The following MAST2 variants were observed in gnomAD, a reference collection of about 807,000 sequenced individuals.
MAST2 encodes the protein microtubule associated serine/threonine kinase 2, also known as microtubule-associated serine/threonine-protein kinase 2.
Under a neutral mutation model 147.4 loss-of-function variants are expected in MAST2, and 70 were observed. The observed-to-expected ratio is 0.47, with a 90% CI of 0.39 to 0.58. MAST2 has a LOEUF of 0.58. Ranked by LOEUF, MAST2 falls within the 20% of genes least tolerant of loss-of-function variation. MAST2 has a pLI of 0.00. For missense variants in MAST2, 2,080 were observed against 2,302.3 expected, an observed-to-expected ratio of 0.90 and a Z score of 1.98; for synonymous variants, 869 against 896.8, an observed-to-expected ratio of 0.97 and a Z score of 0.55.
chr1:45,994,827 C>T (rs1320494922), intron 5 of MAST2, among the ~76,000 whole-genome samples: 2 of 151,696 alleles, frequency 1.3e-5, no homozygotes, highest in Admixed American at 1.3e-4. Flanking sequence ...GGAGAATAGC[C>T]ATATCTTCCA....
chr1:45,921,080 C>A (rs534231354), intron 4 of MAST2, among the ~76,000 whole-genome samples: 1 of 152,172 alleles, frequency 6.6e-6, no homozygotes, highest in Middle Eastern at 3.2e-3. Flanking sequence ...ACTGCAAGCT[C>A]CATCTCCCGG....
At chr1:46,001,203 G>A (rs1292889270) in intron 6 of MAST2, among the ~76,000 whole-genome samples, 2 of 152,200 alleles carry the variant, frequency 1.3e-5, no homozygotes, top group Non-Finnish European at 2.9e-5. Flanking sequence ...AGGAATTGCT[G>A]AATAGTTCCA....
At chr1:46,027,914 TG>T (rs1646484378) in intron 17 of MAST2, 51 bp downstream of exon 17, 2 of 1,604,056 alleles carry the variant, frequency 1.2e-6, no homozygotes, top group Non-Finnish European at 1.7e-6. Context: ...GCCCTTGTCC[TG>T]GCGCAGTGTC....
chr1:46,030,470 TATTC>T (rs1646602866), intron 21 of MAST2, 133 bp from the exon 22 acceptor site: 1 of 1,070,218 alleles, frequency 9.3e-7, no homozygotes, highest in African/African-American at 1.6e-5. Flanking sequence ...CTTCCCCAAA[TATTC>T]AGCAGGGGTG....
At chr1:45,883,573 T>C (rs1358484455) in intron 4 of MAST2, among the ~76,000 whole-genome samples, 1 of 152,218 alleles carries the variant, frequency 6.6e-6, no homozygotes, top group Non-Finnish European at 1.5e-5. Flanking sequence ...ACCTGTGTTT[T>C]CTTCTTACTA....
chr1:46,019,262 A>G (rs1225206562), intron 10 of MAST2, among the ~76,000 whole-genome samples: 5 of 152,098 alleles, frequency 3.3e-5, no homozygotes, highest in Non-Finnish European at 5.9e-5. Flanking sequence ...CTTACAGTCT[A>G]GGGTGGAAAG....
At chr1:45,810,829 A>AG (rs1468714420) in intron 1 of MAST2, among the ~76,000 whole-genome samples, 3 of 147,768 alleles carry the variant, frequency 2.0e-5, no homozygotes, top group East Asian at 2.0e-4. Context: ...AAAAAAAAAA[A>AG]GGATAATAAG....
chr1:46,008,398 G>A, intron 9 of MAST2, 27 bp downstream of exon 9: 3 of 1,538,712 alleles, frequency 1.9e-6, no homozygotes, highest in South Asian at 1.1e-5. Flanking sequence ...AAGGAGAGTG[G>A]CAATACCCCT....
chr1:45,820,484 A>G (rs549308990), intron 1 of MAST2, among the ~76,000 whole-genome samples: 4 of 152,304 alleles, frequency 2.6e-5, no homozygotes, highest in African/African-American at 9.6e-5. Flanking sequence ...CTTCTGTAGT[A>G]TACAAAAACT....
At chr1:45,867,317 C>T (rs1032067486) in intron 3 of MAST2, among the ~76,000 whole-genome samples, 2 of 152,142 alleles carry the variant, frequency 1.3e-5, no homozygotes, top group African/African-American at 4.8e-5. Context: ...TATTTGGCTT[C>T]GCTAATTGCT....
In MAST2 at chr1:45,876,162, C is replaced by T. The variant is rs115846436; in HGVS notation, c.469-6202C>T. ...ATGCAGTGAAGCTTCATTACCCTGG[C>T]GTTATACATTACATTGGCAGTGTGC... On this transcript the variant is annotated intron_variant, in intron 3 of 28. Coordinates refer to ENST00000361297, the MANE Select transcript of MAST2 (RefSeq NM_015112.3). 6.9e-3 allele frequency among the ~76,000 whole-genome samples: 1,047 copies of T among 152,212 alleles called. 14 individuals carry two copies. Among genetic ancestry groups the T allele is most frequent in the African/African-American group, 0.024 (999 of 41,522 alleles).
Position 45,833,166 on chromosome 1 carries a change from T to C in MAST2, c.468+3585T>C, listed in dbSNP as rs142456772. On this transcript the variant is annotated intron_variant, in intron 3 of 28. Coordinates refer to ENST00000361297, the MANE Select transcript of MAST2 (RefSeq NM_015112.3). ...TTTGTTGTATGTATATATCATGTTT[T>C]GTTTAGCTGTTCATCAGTTGATTCA... 7.9e-5 allele frequency among the ~76,000 whole-genome samples: 12 copies of C among 152,358 alleles called. No homozygotes were observed. In the East Asian group the frequency reaches 2.3e-3, roughly 29 times the overall value.
intron 3 of MAST2, among the ~76,000 whole-genome samples, chr1:45,857,808 T>C (rs1350257429): frequency 6.6e-6 from 1 of 151,478 alleles, no homozygotes; most frequent in Non-Finnish European, 1.5e-5. Context: ...TGTCCAAGTG[T>C]TCTCATTGTT....
chr1:45,832,548 C>G (rs745364376), intron 3 of MAST2, among the ~76,000 whole-genome samples: 1 of 152,148 alleles, frequency 6.6e-6, no homozygotes, highest in Non-Finnish European at 1.5e-5. Flanking sequence ...CCGGCCTTGG[C>G]CTCCCTAAGT....
At chr1:45,980,015 A>G (rs978645584) in intron 5 of MAST2, among the ~76,000 whole-genome samples, 8 of 152,172 alleles carry the variant, frequency 5.3e-5, no homozygotes, top group South Asian at 2.1e-4. Flanking sequence ...GCCAGGTGCA[A>G]TGGCTCACGC....
chr1:46,024,106 ATTGGTTT>A (rs1646303371), intron 15 of MAST2, 126 bp downstream of exon 15: 11 of 905,854 alleles, frequency 1.2e-5, no homozygotes, highest in African/African-American at 1.6e-5. Context: ...CACCTTTGGC[ATTGGTTT>A]CTGCCTCAGG....
At chr1:45,864,344 C>T (rs1557844594) in intron 3 of MAST2, among the ~76,000 whole-genome samples, 1 of 152,172 alleles carries the variant, frequency 6.6e-6, no homozygotes, top group Non-Finnish European at 1.5e-5. Flanking sequence ...TAGCCCCCTC[C>T]TGCACATAAA....
At chr1:45,840,791 A>G (rs1645249884) in intron 3 of MAST2, among the ~76,000 whole-genome samples, 1 of 152,212 alleles carries the variant, frequency 6.6e-6, no homozygotes, top group African/African-American at 2.4e-5. Flanking sequence ...ATATAGGCTG[A>G]ATATTGCCAA....
At chr1:45,830,915 A>G (rs1644936879) in intron 3 of MAST2, among the ~76,000 whole-genome samples, 1 of 151,368 alleles carries the variant, frequency 6.6e-6, no homozygotes, top group Non-Finnish European at 1.5e-5. Context: ...GTGTGCCTGT[A>G]GTCCCAGCTA....
Sources: gnomAD v4.1 joint callset for allele counts (sites outside exome capture counted in the v4.1 genomes callset) on GRCh38, gnomAD v4.1.1 for gene constraint, MANE v1.5 for transcripts, NCBI Gene and HGNC (gene_info 2026-07-23, HGNC 2026-07-21) for gene names.